The following COA1 variants were observed in gnomAD, a reference collection of about 807,000 sequenced individuals.
The protein encoded by COA1 is cytochrome c oxidase assembly factor 1 homolog.
In COA1, 13 loss-of-function variants were observed where a neutral mutation model predicts 16.0. The observed-to-expected ratio is 0.81, with a 90% CI of 0.53 to 1.29. The LOEUF (loss-of-function observed/expected upper bound fraction) is 1.29, where lower values mean the gene tolerates loss of function less well. Among genes scored for constraint, COA1 ranks in the 50% most tolerant of loss-of-function variants. The pLI is 0.00. For missense variants in COA1, 179 were observed against 177.0 expected (o/e 1.01, Z -0.06); for synonymous variants, 65 against 65.7 (o/e 0.99, Z 0.05).
intron 6 of COA1, chr7:43,626,074 C>G (rs1252063275): frequency 6.6e-6 from 1 of 152,106 alleles, no homozygotes; most frequent in Non-Finnish European, 1.5e-5. Context: ...CTTAAAGTAA[C>G]TAATTATCCT....
At chr7:43,698,961 A>C (rs543549280) in intron 1 of COA1, among the ~76,000 whole-genome samples, 1 of 152,162 alleles carries the variant, frequency 6.6e-6, no homozygotes, top group East Asian at 1.9e-4. Flanking sequence ...CCACCATCTT[A>C]TATTAGCATA....
At chr7:43,658,919 A>T (rs1029365322) in intron 1 of COA1, 13 of 152,584 alleles carry the variant, frequency 8.5e-5, no homozygotes, top group African/African-American at 3.1e-4. Context: ...AGGCCAGGCA[A>T]GAGGGCAGGG....
intron 1 of COA1, among the ~76,000 whole-genome samples, chr7:43,700,920 A>G (rs1451273812): frequency 1.3e-5 from 2 of 152,252 alleles, no homozygotes; most frequent in Admixed American, 1.3e-4. Flanking sequence ...TGCCAACAGT[A>G]GTAATAAGCT....
chr7:43,653,418 G>C (rs1267209129), intron 1 of COA1, among the ~76,000 whole-genome samples: 4 of 152,132 alleles, frequency 2.6e-5, no homozygotes, highest in Non-Finnish European at 5.9e-5. Context: ...CAAAAGGATA[G>C]TACTAAAAAG....
chr7:43,727,110 G>T (rs2095632784), intron 1 of COA1, among the ~76,000 whole-genome samples: 1 of 152,132 alleles, frequency 6.6e-6, no homozygotes, highest in African/African-American at 2.4e-5. Flanking sequence ...TCACTCTGTA[G>T]TCCCTAAATA....
At chr7:43,687,818 A>C (rs1273345251) in intron 1 of COA1, among the ~76,000 whole-genome samples, 1 of 152,172 alleles carries the variant, frequency 6.6e-6, no homozygotes, top group Admixed American at 6.5e-5. Flanking sequence ...AGGTGGCTGA[A>C]ACCTGTACTT....
At chr7:43,621,186 A>G (rs994345602) in intron 6 of COA1, among the ~76,000 whole-genome samples, 39 of 152,358 alleles carry the variant, frequency 2.6e-4, no homozygotes, top group African/African-American at 9.4e-4. Context: ...TTAGATAATA[A>G]AAGATGCCAC....
chr7:43,624,718 C>T (rs757272252), intron 6 of COA1: 1 of 1,613,384 alleles, frequency 6.2e-7, no homozygotes, highest in Non-Finnish European at 8.5e-7. Flanking sequence ...ATTGTAGTTA[C>T]TTCATATACT....
At chr7:43,636,683 T>TA (rs1163348830), downstream of COA1, among the ~76,000 whole-genome samples, 1 of 152,224 alleles carries the variant, frequency 6.6e-6, no homozygotes, top group Non-Finnish European at 1.5e-5. Context: ...AACTCAGCAA[T>TA]AAAACCTTAT....
chr7:43,661,369 GC>G (rs1386569945), intron 1 of COA1, among the ~76,000 whole-genome samples: 1 of 152,190 alleles, frequency 6.6e-6, no homozygotes, highest in African/African-American at 2.4e-5. Flanking sequence ...GGGTGCAGTG[GC>G]TCACGCCTGT....
At chr7:43,690,103 TAGATGTTGGTGTGGATGCAGTGAAA>T (rs2094205387) in intron 1 of COA1, among the ~76,000 whole-genome samples, 1 of 151,836 alleles carries the variant, frequency 6.6e-6, no homozygotes, top group South Asian at 2.1e-4. Context: ...ATAATAATAA[TAGATGTTGGTGTGGATGCAGTGAAA>T]AGGGAACACT....
At chr7:43,627,516 T>C (rs2084694525) in intron 6 of COA1, among the ~76,000 whole-genome samples, 1 of 152,136 alleles carries the variant, frequency 6.6e-6, no homozygotes, top group South Asian at 2.1e-4. Flanking sequence ...TACATGAATA[T>C]AGATAGGAGA....
chr7:43,724,554 G>GAA (rs75901570), intron 1 of COA1, among the ~76,000 whole-genome samples: 5 of 126,518 alleles, frequency 4.0e-5, no homozygotes, highest in East Asian at 2.3e-4. Flanking sequence ...CCATCTCAAA[G>GAA]AAAAAAAAAA....
chr7:43,675,121 C>T (rs2093451312), intron 1 of COA1, among the ~76,000 whole-genome samples: 1 of 152,150 alleles, frequency 6.6e-6, no homozygotes, highest in African/African-American at 2.4e-5. Context: ...TCACTTTCTC[C>T]TCTGCTCAAG....
chr7:43,643,183 G>A lies in COA1; in HGVS notation c.264+2068C>T, dbSNP rs1200693259. ...CCCTCTCAGCACCACTGGGGCCAAAGTGAAAGCTGGACAGGACAAAGCTCC... is the reference window on the plus strand; with the variant it reads ...CCCTCTCAGCACCACTGGGGCCAAAATGAAAGCTGGACAGGACAAAGCTCC... On this transcript the variant is annotated intron_variant, in intron 4 of 5. Coordinates refer to ENST00000223336, the MANE Select transcript of COA1 (RefSeq NM_018224.4). Among the ~76,000 whole-genome samples, 4 of 152,216 alleles carry A rather than the reference G, an allele frequency of 2.6e-5. No homozygotes were observed. The East Asian group carries it at 7.7e-4, about 29-fold the overall frequency.
At chr7:43,633,345 G>C (rs1321625334) in intron 6 of COA1, 1 of 152,144 alleles carries the variant, frequency 6.6e-6, no homozygotes, top group East Asian at 1.9e-4. Flanking sequence ...TTTAGTGAGA[G>C]GCCACTGTGG....
intron 1 of COA1, among the ~76,000 whole-genome samples, chr7:43,691,952 T>C (rs1040094591): frequency 6.6e-6 from 1 of 152,156 alleles, no homozygotes; most frequent in South Asian, 2.1e-4. Flanking sequence ...TCGCACCCAC[T>C]TGTGCCTCAG....
chr7:43,725,462 T>G (rs76543139), intron 1 of COA1, among the ~76,000 whole-genome samples: 3,785 of 152,274 alleles, frequency 0.025, 135 homozygotes, highest in African/African-American at 0.085. Flanking sequence ...GGGGAAAGAA[T>G]GAAATCTTGG....
At chr7:43,646,674 G>T in intron 3 of COA1, 1 of 454,646 alleles carries the variant, frequency 2.2e-6, no homozygotes, top group Non-Finnish European at 4.4e-6. Context: ...CTTTGGCAGA[G>T]GGAAGAGGAG....
Sources: allele counts gnomAD v4.1 joint callset (sites outside exome capture counted in the v4.1 genomes callset), GRCh38; gene constraint gnomAD v4.1.1; transcripts MANE v1.5; gene names NCBI Gene and HGNC (gene_info 2026-07-23, HGNC 2026-07-21).